Variants in FBF1 observed in about 807,000 individuals in gnomAD.
The protein encoded by FBF1 is Fas binding factor 1, also known as fas-binding factor 1.
FBF1 carries 119 observed loss-of-function variants against 147.2 expected under a neutral mutation model. That is an observed-to-expected ratio of 0.81 (90% CI 0.70 to 0.94). FBF1 has a LOEUF of 0.94. FBF1 is among the 40% of genes least tolerant of loss of function. The probability of loss-of-function intolerance (pLI) is 0.00; values close to 1 mark genes in which losing one functional copy is unlikely to be tolerated. For synonymous variants in FBF1, 601 were observed against 609.0 expected (o/e 0.99, Z 0.19); for missense variants, 1,449 against 1,500.8 (o/e 0.97, Z 0.57).
At position 75,917,819 on chromosome 17, in the gene FBF1, C is replaced by T. The variant is rs1219954802; in HGVS notation, c.2418G>A (p.Arg806=). The T allele has an allele frequency of 6.2e-7, 1 of 1,607,784 alleles. No homozygotes were observed. ...ALQERLGQQQ[R]DMEEERSRQQ... ...GCCGGCTCCGCTCCTCCTCCATGTC[C>T]CGCTGCTGCTGGCCCAGCCGCTCCT... The change falls in exon 23 of 30, where the codon CGG becomes CGA. Residue 806 remains arginine (R), a synonymous_variant. Coordinates refer to ENST00000636174, the MANE Select transcript of FBF1 (RefSeq NM_001319193.2).
rs1249293389 is a variant in FBF1, at chr17:75,921,980, T to C, written c.1491A>G (p.Ala497=). ...CAGGCCTGACACACGGTCTTTCTCG[T>C]GCAGTTGTTCCAGAACTCCCTCCAG... is the stretch of plus-strand genomic sequence containing the variant. ...AAAGGSSGTT[A]RERPCVRPGV... Residue 497 remains alanine (A), a synonymous_variant, in exon 15 of 30, where the codon GCA becomes GCG. Transcript: ENST00000636174. The C allele has an allele frequency of 1.2e-5, 18 of 1,551,428 alleles. No homozygotes were observed. The highest frequency in any genetic ancestry group is 1.6e-5 in the Non-Finnish European group (18 of 1,146,984).
chr17:75,935,479 G>A (rs1029734522), intron 4 of FBF1, among the ~76,000 whole-genome samples, 153 bp downstream of exon 4: 1 of 152,092 alleles, frequency 6.6e-6, no homozygotes, highest in African/African-American at 2.4e-5. Context: ...AAGGCCGGGT[G>A]TAGTGGCTTA....
intron 3 of FBF1, 24 bp downstream of exon 3, chr17:75,937,542 G>A (rs1219092265): frequency 6.2e-7 from 1 of 1,613,356 alleles, no homozygotes. Flanking sequence ...TGGCTTAAGA[G>A]TAATGTTCCA....
chr17:75,925,428 C>T lies in FBF1; in HGVS notation c.887G>A (p.Gly296Asp), dbSNP rs369758352. The change falls in exon 13 of 30, where the codon GGT becomes GAT. Residue 296 changes from glycine (G) to aspartate (D), a missense_variant. Coordinates refer to ENST00000636174, the MANE Select transcript of FBF1 (RefSeq NM_001319193.2). The surrounding 1 kb of genome is among the most constrained non-coding windows in gnomAD (Gnocchi z 5.0). ...QRPQDSEDMW[G>D]DEDFTFGAYQ... ...GGCTCCAAAGGTGAAGTCCTCGTCA[C>T]CCCACATATCTTCACTGTCTGTGAA... The T allele has an allele frequency of 1.3e-5, 21 of 1,613,388 alleles. No individual in the cohort carries two copies. The African/African-American group carries it at 2.3e-4, about 17-fold the overall frequency.
intron 25 of FBF1, 50 bp downstream of exon 25, chr17:75,914,697 G>T: frequency 6.8e-7 from 1 of 1,471,386 alleles, no homozygotes. Flanking sequence ...CCAGATGGAG[G>T]GGCGCAGGCA....
At chr17:75,913,849 C>T in intron 27 of FBF1, 30 bp from the exon 28 acceptor site, 1 of 1,579,742 alleles carries the variant, frequency 6.3e-7, no homozygotes, top group Non-Finnish European at 8.6e-7. Context: ...AAGAAGGACT[C>T]AGCTGTGAGG....
Position 75,921,978 on chromosome 17 carries a change from C to A in FBF1, c.1493G>T (p.Arg498Leu). Residue 498 changes from arginine (R) to leucine (L), a missense_variant, in exon 15 of 30, where the codon CGA becomes CTA. Transcript: ENST00000636174. ...AAGGSSGTTA[R>L]ERPCVRPGVS... Reference sequence around the variant, plus strand: ...ACCAGGCCTGACACACGGTCTTTCTCGTGCAGTTGTTCCAGAACTCCCTCC... The same window carrying A: ...ACCAGGCCTGACACACGGTCTTTCTAGTGCAGTTGTTCCAGAACTCCCTCC... 1 of 1,551,578 alleles carries A rather than the reference C, an allele frequency of 6.4e-7. No individual in the cohort carries two copies. The highest frequency in any genetic ancestry group is 8.7e-7 in the Non-Finnish European group (1 of 1,146,988).
intron 15 of FBF1, 98 bp downstream of exon 15, chr17:75,921,847 A>ACGGGGC: frequency 1.2e-4 from 126 of 1,028,096 alleles, no homozygotes; most frequent in Non-Finnish European, 1.7e-4. Flanking sequence ...GGGACGGGGC[A>ACGGGGC]GGGGCAGGGT....
In FBF1 at chr17:75,938,164, G is replaced by C; in HGVS notation, c.-15C>G. On this transcript the variant is annotated 5_prime_UTR_variant, in exon 2 of 30. Transcript: ENST00000636174. Reference sequence around the variant, plus strand: ...CTGCCTACCATCTCACGGCTCTCGGGGGTGCTCTCAGCTCCTTCACAGCAC... The same window carrying C: ...CTGCCTACCATCTCACGGCTCTCGGCGGTGCTCTCAGCTCCTTCACAGCAC... 6.2e-7 allele frequency: 1 copy of C among 1,613,194 alleles called. No individual in the cohort carries two copies. Among genetic ancestry groups the C allele is most frequent in the Admixed American group, 1.7e-5 (1 of 59,950 alleles).
rs1042907921 is a variant in FBF1, at chr17:75,919,099, G to T, written c.2138+569C>A. On this transcript the variant is annotated intron_variant, in intron 20 of 29. Transcript: ENST00000636174. This position sits in a 1 kb window ranked among gnomAD's most constrained non-coding sequence, Gnocchi z 5.0. Reference sequence around the variant, plus strand: ...TTTAAAAATTGTTTTTAGAGATGAGGTCTCACTGTGTTGCCCAGACTGGTC... The same window carrying T: ...TTTAAAAATTGTTTTTAGAGATGAGTTCTCACTGTGTTGCCCAGACTGGTC... Among the ~76,000 whole-genome samples, 1 of 151,122 alleles carries T rather than the reference G, an allele frequency of 6.6e-6. No homozygotes were observed. Among genetic ancestry groups the T allele is most frequent in the East Asian group, 2.0e-4 (1 of 5,060 alleles).
intron 4 of FBF1, among the ~76,000 whole-genome samples, chr17:75,933,503 G>A (rs2065606609): frequency 6.6e-6 from 1 of 152,086 alleles, no homozygotes; most frequent in Non-Finnish European, 1.5e-5. Flanking sequence ...ACCGGGAGAC[G>A]GAGATTGCAG....
rs776547899 is a variant in FBF1 at position 75,915,720 on chromosome 17, T to G, written c.2506-581A>C. ...TTTTTATTTTCTTCTTTAAAAACAT[T>G]TTTTTGGGCCGGGCACAGTGGCTCA... On this transcript the variant is annotated intron_variant, in intron 23 of 29. Transcript: ENST00000636174. 2.1e-4 allele frequency among the ~76,000 whole-genome samples: 31 copies of G among 150,490 alleles called. 1 individual carries two copies. The highest frequency in any genetic ancestry group is 1.6e-3 in the Admixed American group (25 of 15,214).
intron 25 of FBF1, 53 bp downstream of exon 25, chr17:75,914,694 G>T: frequency 6.8e-7 from 1 of 1,468,622 alleles, no homozygotes; most frequent in Non-Finnish European, 9.0e-7. Context: ...TGTCCAGATG[G>T]AGGGGCGCAG....
chr17:75,919,972 G>A lies in FBF1; in HGVS notation c.1931+35C>T, dbSNP rs1415170400. On this transcript the variant is annotated intron_variant, in intron 19 of 29. Coordinates refer to ENST00000636174, the MANE Select transcript of FBF1 (RefSeq NM_001319193.2). The surrounding 1 kb of genome is among the most constrained non-coding windows in gnomAD (Gnocchi z 5.0). The stretch of plus-strand genomic sequence containing the variant: ...TGGGTGGCCTTTGGGGTCAGTGTGA[G>A]ATCCAAGGCAGAGCTGGGGCCAGCG... The A allele has an allele frequency of 1.9e-6, 3 of 1,609,802 alleles. 1 individual carries two copies. The highest frequency in any genetic ancestry group is 2.5e-6 in the Non-Finnish European group (3 of 1,177,148).
In FBF1 at chr17:75,919,826, C is replaced by T. The variant is rs924171545; in HGVS notation, c.1980G>A (p.Arg660=). Residue 660 remains arginine (R), a synonymous_variant, in exon 20 of 30, where the codon CGG becomes CGA. Coordinates refer to ENST00000636174, the MANE Select transcript of FBF1 (RefSeq NM_001319193.2). This position sits in a 1 kb window ranked among gnomAD's most constrained non-coding sequence, Gnocchi z 5.0. ...ACAGCTCTTCGTTCTCTCTCCGGAG[C>T]CGCTCCTCCCGTTGCTGGTACGATG... ...LETSYQQREE[R]LRRENEELSA... 1.2e-6 allele frequency: 2 copies of T among 1,613,850 alleles called. No individual in the cohort carries two copies. The highest frequency in any genetic ancestry group is 1.7e-5 in the Admixed American group (1 of 60,036).
Position 75,918,180 on chromosome 17 carries a change from CT to C in FBF1, c.2227del (p.Ser743ValfsTer9). The C allele has an allele frequency of 6.2e-7, 1 of 1,613,394 alleles. No individual in the cohort carries two copies. Among genetic ancestry groups the C allele is most frequent in the Non-Finnish European group, 8.5e-7 (1 of 1,179,854 alleles). ...LKDREVDAAT[S>X]ATSHTRSLNS... ...CACATACCGCGTGTGGGAGGTGGCA[CT>C]GGTGGCCGCATCGACCTCTCGGTCC... is the stretch of plus-strand genomic sequence containing the variant. On this transcript the variant is annotated frameshift_variant, in exon 21 of 30. Transcript: ENST00000636174. LOFTEE classifies it high-confidence loss of function. The surrounding 1 kb of genome is among the most constrained non-coding windows in gnomAD (Gnocchi z 5.8).
In FBF1 at chr17:75,915,128, C is replaced by A. The variant is rs756620951; in HGVS notation, c.2517G>T (p.Arg839=). Reference sequence around the variant, plus strand: ...CCGCCTTGGACTGCTCGGCAGTCACCCGCCAGCGTTCCTGTAGGGCCCAGG... The same window carrying A: ...CCGCCTTGGACTGCTCGGCAGTCACACGCCAGCGTTCCTGTAGGGCCCAGG... The part of the protein sequence containing the change: ...QSRLLEQERW[R]VTAEQSKAES... Residue 839 remains arginine, a synonymous_variant, in exon 24 of 30, where the codon CGG becomes CGT. Coordinates refer to ENST00000636174, the MANE Select transcript of FBF1 (RefSeq NM_001319193.2). 2 of 1,610,036 alleles carry A rather than the reference C, an allele frequency of 1.2e-6. No homozygotes were observed. Among genetic ancestry groups the A allele is most frequent in the East Asian group, 2.2e-5 (1 of 44,850 alleles).
chr17:75,918,033 A>G lies in FBF1; in HGVS notation c.2284T>C (p.Ser762Pro), dbSNP rs2065499804. The G allele has an allele frequency of 6.2e-7, 1 of 1,611,882 alleles. No individual in the cohort carries two copies. The highest frequency in any genetic ancestry group is 1.3e-5 in the African/African-American group (1 of 74,884). The change falls in exon 22 of 30, where the codon TCC (serine) becomes CCC (proline). Residue 762 changes from serine to proline, a missense_variant. Transcript: ENST00000636174. The surrounding 1 kb of genome is among the most constrained non-coding windows in gnomAD (Gnocchi z 5.8). Reference sequence around the variant, plus strand: ...GAGGACAACTCGTGCAGGCTGCTGGAGAACTTCTCCATCTGGTGGATGATG... The same window carrying G: ...GAGGACAACTCGTGCAGGCTGCTGGGGAACTTCTCCATCTGGTGGATGATG... The part of the protein sequence containing the change: ...NSIIHQMEKF[S>P]SSLHELSSRV...
chr17:75,932,175 G>C (rs2065598503), intron 5 of FBF1, among the ~76,000 whole-genome samples: 1 of 151,872 alleles, frequency 6.6e-6, no homozygotes, highest in South Asian at 2.1e-4. Flanking sequence ...GAGATCAGGA[G>C]TTCGAGACCA....
Sources: allele counts gnomAD v4.1 joint callset (sites outside exome capture counted in the v4.1 genomes callset), GRCh38; gene constraint gnomAD v4.1.1; non-coding constraint Gnocchi (gnomAD v3.1); transcripts MANE v1.5; gene names NCBI Gene and HGNC (gene_info 2026-07-23, HGNC 2026-07-21).